The following UBE4B variants were observed in gnomAD, a reference collection of about 807,000 sequenced individuals.
UBE4B encodes ubiquitination factor E4B.
UBE4B carries 27 observed loss-of-function variants against 148.1 expected under a neutral mutation model. The observed-to-expected ratio is 0.18, with a 90% CI of 0.13 to 0.25. The LOEUF is 0.25. Among genes scored for constraint, UBE4B ranks in the 10% least tolerant of loss-of-function variants. The probability of loss-of-function intolerance (pLI) is 1.00; values close to 1 mark genes in which losing one functional copy is unlikely to be tolerated. For missense variants in UBE4B, 1,170 were observed against 1,662.4 expected, an observed-to-expected ratio of 0.70 and a Z score of 5.15; for synonymous variants, 596 against 619.3, an observed-to-expected ratio of 0.96 and a Z score of 0.56.
In UBE4B at chr1:10,102,391, C is replaced by CTTTTTTTTTTTTTTTTTTTTT. The variant is rs33997625; in HGVS notation, c.436-540_436-520dup. Among the ~76,000 whole-genome samples, 4 of 51,544 alleles carry CTTTTTTTTTTTTTTTTTTTTT rather than the reference C, an allele frequency of 7.8e-5. 1 individual carries two copies. Among genetic ancestry groups the CTTTTTTTTTTTTTTTTTTTTT allele is most frequent in the African/African-American group, 1.2e-4 (2 of 16,502 alleles). 33.8% of individuals were successfully genotyped at this position (51,544 alleles called of 152,430 possible). A position where few individuals can be genotyped will look rare whatever the true frequency, so the allele number is the denominator to read the frequency against. ...GGTGACTTTTGATAATGACTTTGCT[C>CTTTTTTTTTTTTTTTTTTTTT]TTTTTTTTTTTTTTTTTTTTTTTTT... On this transcript the variant is annotated intron_variant, in intron 4 of 27. Transcript: ENST00000343090.
chr1:10,120,997 G>A (rs577077323), intron 9 of UBE4B, among the ~76,000 whole-genome samples: 1 of 151,922 alleles, frequency 6.6e-6, no homozygotes, highest in Non-Finnish European at 1.5e-5. Flanking sequence ...TTTAAAAAAC[G>A]TTCCTTGATT....
intron 20 of UBE4B, 104 bp from the exon 21 acceptor site, chr1:10,151,222 A>G: frequency 9.6e-7 from 1 of 1,042,526 alleles, no homozygotes; most frequent in South Asian, 1.5e-5. Context: ...AAACCTACTT[A>G]TCCTGCCTTC....
intron 11 of UBE4B, among the ~76,000 whole-genome samples, chr1:10,127,733 G>C (rs1645525000): frequency 6.6e-6 from 1 of 152,116 alleles, no homozygotes; most frequent in Non-Finnish European, 1.5e-5. Context: ...CTGACGATCT[G>C]TTCTGTGCTA....
rs758701751 is a variant in UBE4B at position 10,158,474 on chromosome 1, G to A, written c.3045G>A (p.Glu1015=). 2 of 1,613,892 alleles carry A rather than the reference G, an allele frequency of 1.2e-6. No homozygotes were observed. The highest frequency in any genetic ancestry group is 3.3e-5 in the Admixed American group (2 of 59,944). The change falls in exon 22 of 28, where the codon GAG becomes GAA. Residue 1015 remains glutamate, a synonymous_variant. Transcript: ENST00000343090. ...QNIAHHGTFM[E]EFNSGKQFVR... ...TAGCTCACCATGGCACCTTTATGGAGGAGTTCAAGTGAGTATGGGGCCCCT... is the reference window on the plus strand; with the variant it reads ...TAGCTCACCATGGCACCTTTATGGAAGAGTTCAAGTGAGTATGGGGCCCCT...
At chr1:10,072,650 G>C in intron 2 of UBE4B, 1 of 592,562 alleles carries the variant, frequency 1.7e-6, no homozygotes, top group East Asian at 2.9e-5. Context: ...TAACTTTTCA[G>C]AGGATAAAAC....
chr1:10,044,627 G>C (rs1643877553), intron 1 of UBE4B, among the ~76,000 whole-genome samples: 1 of 151,484 alleles, frequency 6.6e-6, no homozygotes, highest in Admixed American at 6.6e-5. Flanking sequence ...TTGTCACCCA[G>C]GCTAGAGTAC....
At position 10,157,894 on chromosome 1, in the gene UBE4B, A is replaced by T. The variant is rs181050360; in HGVS notation, c.2927-462A>T. Among the ~76,000 whole-genome samples, 4 of 152,350 alleles carry T rather than the reference A, an allele frequency of 2.6e-5. No homozygotes were observed. In the East Asian group the frequency reaches 5.8e-4, roughly 22 times the overall value. ...TCCCTCTTTAATAGATTTAGGGATG[A>T]TAGACACATTGGTGTTTTTTCAACA... On this transcript the variant is annotated intron_variant, in intron 21 of 27. Transcript: ENST00000343090.
chr1:10,112,928 T>G (rs1246699830), intron 7 of UBE4B, among the ~76,000 whole-genome samples: 1 of 152,214 alleles, frequency 6.6e-6, no homozygotes, highest in Non-Finnish European at 1.5e-5. Context: ...GATGCTACAT[T>G]TCCTGTTTGG....
intron 17 of UBE4B, among the ~76,000 whole-genome samples, chr1:10,143,345 T>TG (rs1645814153): frequency 6.6e-6 from 1 of 152,056 alleles, no homozygotes; most frequent in South Asian, 2.1e-4. Context: ...GAGGTTGCAG[T>TG]GAGCCAGATG....
At chr1:10,111,336 C>T (rs544950841) in intron 7 of UBE4B, among the ~76,000 whole-genome samples, 91 of 152,220 alleles carry the variant, frequency 6.0e-4, no homozygotes, top group African/African-American at 2.1e-3. Flanking sequence ...TACTGGACTC[C>T]TGTTCTTTGC....
At chr1:10,061,828 T>C (rs1399236772) in intron 1 of UBE4B, among the ~76,000 whole-genome samples, 1 of 152,158 alleles carries the variant, frequency 6.6e-6, no homozygotes, top group Non-Finnish European at 1.5e-5. Flanking sequence ...TCTGCTGATG[T>C]TGAGGAGTGT....
intron 1 of UBE4B, among the ~76,000 whole-genome samples, chr1:10,056,483 G>A (rs1570792966): frequency 6.6e-6 from 1 of 152,330 alleles, no homozygotes; most frequent in African/African-American, 2.4e-5. Flanking sequence ...GAATACAGCG[G>A]TGAATAAACT....
intron 1 of UBE4B, among the ~76,000 whole-genome samples, chr1:10,061,332 A>G (rs751983330): frequency 4.6e-5 from 7 of 151,912 alleles, no homozygotes; most frequent in Non-Finnish European, 8.8e-5. Flanking sequence ...TTGGCCCACT[A>G]CAACCTCCGT....
At chr1:10,175,069 G>C (rs1646397432) in intron 25 of UBE4B, among the ~76,000 whole-genome samples, 1 of 152,164 alleles carries the variant, frequency 6.6e-6, no homozygotes, top group Non-Finnish European at 1.5e-5. Context: ...CCAAGAGTAG[G>C]CTGAAGACCC....
At chr1:10,082,376 C>T (rs1432994457) in intron 2 of UBE4B, among the ~76,000 whole-genome samples, 2 of 152,034 alleles carry the variant, frequency 1.3e-5, no homozygotes, top group Non-Finnish European at 2.9e-5. Context: ...TAGTGCGCAC[C>T]TGTAGGCCCA....
At chr1:10,134,861 C>G in intron 15 of UBE4B, 127 bp from the exon 16 acceptor site, 2 of 728,640 alleles carry the variant, frequency 2.7e-6, no homozygotes, top group Non-Finnish European at 4.5e-6. Context: ...ATTGCTTGAG[C>G]CTGGGAGGTG....
chr1:10,121,082 C>T (rs1410565150), intron 9 of UBE4B, among the ~76,000 whole-genome samples: 1 of 152,054 alleles, frequency 6.6e-6, no homozygotes, highest in Non-Finnish European at 1.5e-5. Flanking sequence ...ACATATAATA[C>T]GGCCAGGCGT....
rs143744742 is a variant in UBE4B, at chr1:10,159,107, T to C, written c.3053+625T>C. The stretch of plus-strand genomic sequence containing the variant: ...TGTTTTCTACGATGACAGTGTTAAA[T>C]GAAGTTGTCAGAATGAGTGAAATGA... On this transcript the variant is annotated intron_variant, in intron 22 of 27. Coordinates refer to ENST00000343090, the MANE Select transcript of UBE4B (RefSeq NM_001105562.3). 5.5e-4 allele frequency among the ~76,000 whole-genome samples: 84 copies of C among 152,050 alleles called. 1 individual carries two copies. The East Asian group carries it at 0.014, about 25-fold the overall frequency.
At chr1:10,167,442 AAT>A (rs1646270013) in intron 23 of UBE4B, among the ~76,000 whole-genome samples, 1 of 96,246 alleles carries the variant, frequency 1.0e-5, no homozygotes, top group South Asian at 2.7e-4. Flanking sequence ...CGTCTCAAAA[AAT>A]AATAATAATA....
Sources: allele counts gnomAD v4.1 joint callset (sites outside exome capture counted in the v4.1 genomes callset), GRCh38; gene constraint gnomAD v4.1.1; transcripts MANE v1.5; gene names NCBI Gene and HGNC (gene_info 2026-07-23, HGNC 2026-07-21).